Variants in TOX observed in about 807,000 individuals in gnomAD.
The protein encoded by TOX is thymocyte selection-associated high mobility group box protein TOX.
In TOX, 11 loss-of-function variants were observed where a neutral mutation model predicts 53.7. The observed-to-expected ratio is 0.20, with a 90% confidence interval of 0.13 to 0.34. The LOEUF (loss-of-function observed/expected upper bound fraction) is 0.34. Ranked by LOEUF, TOX falls within the 10% of genes least tolerant of loss-of-function variation. The probability of loss-of-function intolerance (pLI) is 1.00; values close to 1 mark genes in which losing one functional copy is unlikely to be tolerated. For synonymous variants in TOX, 225 were observed against 245.3 expected (o/e 0.92, Z 0.77); for missense variants, 570 against 664.6 (o/e 0.86, Z 1.56).
intron 2 of TOX, among the ~76,000 whole-genome samples, chr8:58,945,075 G>T (rs1220771634): frequency 6.6e-6 from 1 of 152,208 alleles, no homozygotes; most frequent in African/African-American, 2.4e-5. Flanking sequence ...AAGGTGCCAA[G>T]AATTACTGCA....
At chr8:59,091,041 T>C (rs186131567) in intron 1 of TOX, among the ~76,000 whole-genome samples, 3 of 152,240 alleles carry the variant, frequency 2.0e-5, no homozygotes, top group Admixed American at 2.0e-4. Context: ...CATATAAATA[T>C]ACCGAAGCCT....
intron 1 of TOX, among the ~76,000 whole-genome samples, chr8:58,960,554 A>T (rs1389905126): frequency 6.6e-6 from 1 of 152,240 alleles, no homozygotes; most frequent in African/African-American, 2.4e-5. Flanking sequence ...AGCATGTGTC[A>T]CTACAACCAT....
At chr8:58,843,316 C>T (rs1053900173) in intron 4 of TOX, among the ~76,000 whole-genome samples, 3 of 152,166 alleles carry the variant, frequency 2.0e-5, no homozygotes, top group Non-Finnish European at 4.4e-5. Flanking sequence ...ACTGCCTCTC[C>T]TTCAATAACT....
chr8:59,012,830 A>C (rs1813932698), intron 1 of TOX, among the ~76,000 whole-genome samples: 1 of 152,018 alleles, frequency 6.6e-6, no homozygotes, highest in Admixed American at 6.5e-5. Context: ...ACACAGACTA[A>C]AATGACAGCC....
intron 4 of TOX, among the ~76,000 whole-genome samples, chr8:58,842,339 TTCTC>T (rs910645595): frequency 1.3e-5 from 2 of 152,008 alleles, no homozygotes; most frequent in Non-Finnish European, 2.9e-5. Context: ...AGACAACTTT[TTCTC>T]TCTCTCTCTT....
At chr8:58,810,055 A>G (rs1463843836) in intron 7 of TOX, among the ~76,000 whole-genome samples, 1 of 151,766 alleles carries the variant, frequency 6.6e-6, no homozygotes, top group Non-Finnish European at 1.5e-5. Context: ...GCATGATCAT[A>G]GCTCACTGCA....
chr8:59,024,567 G>A (rs1028474345), intron 1 of TOX, among the ~76,000 whole-genome samples: 25 of 152,218 alleles, frequency 1.6e-4, no homozygotes, highest in South Asian at 8.3e-4. Flanking sequence ...TTCAGCTAGC[G>A]GCCTGACATG....
intron 1 of TOX, among the ~76,000 whole-genome samples, chr8:59,021,257 A>T (rs1814123782): frequency 6.6e-6 from 1 of 150,960 alleles, no homozygotes; most frequent in African/African-American, 2.4e-5. Flanking sequence ...GCATGAAGTC[A>T]AAGTGCTAAC....
At position 58,905,734 on chromosome 8, in the gene TOX, C is replaced by A. The variant is rs141626532; in HGVS notation, c.411+33568G>T. 4.2e-3 allele frequency among the ~76,000 whole-genome samples: 647 copies of A among 152,306 alleles called. 2 individuals are homozygous for A. Among genetic ancestry groups the A allele is most frequent in the Non-Finnish European group, 6.9e-3 (471 of 68,024 alleles). On this transcript the variant is annotated intron_variant, in intron 3 of 8. Transcript: ENST00000361421. ...AACGTGCGCCATGCTTGCATTATTC[C>A]TTTATACTGACGGAAGTGTAGAGTT... is the stretch of plus-strand genomic sequence containing the variant.
chr8:59,026,182 T>C (rs2129419715), intron 1 of TOX, among the ~76,000 whole-genome samples: 1 of 152,218 alleles, frequency 6.6e-6, no homozygotes, highest in Non-Finnish European at 1.5e-5. Context: ...GGAGTCAATA[T>C]TGAAACTGCA....
intron 1 of TOX, among the ~76,000 whole-genome samples, chr8:59,052,142 C>T (rs1209991241): frequency 6.6e-6 from 1 of 152,174 alleles, no homozygotes; most frequent in Non-Finnish European, 1.5e-5. Context: ...CTCTTACCTA[C>T]TTTTATACAG....
At chr8:58,961,532 CT>C (rs1306667873) in intron 1 of TOX, among the ~76,000 whole-genome samples, 386 of 142,808 alleles carry the variant, frequency 2.7e-3, no homozygotes, top group Middle Eastern at 3.7e-3. Flanking sequence ...CAGGTGAACT[CT>C]TTTTTTTTTT....
intron 3 of TOX, among the ~76,000 whole-genome samples, chr8:58,896,678 AT>A: frequency 5.0e-5 from 1 of 19,826 alleles, no homozygotes; most frequent in East Asian, 1.2e-3. Flanking sequence ...CATCTCAAAA[AT>A]AAAATAAAAT....
chr8:58,967,479 T>C (rs2129179290), intron 1 of TOX, among the ~76,000 whole-genome samples: 1 of 152,268 alleles, frequency 6.6e-6, no homozygotes, highest in South Asian at 2.1e-4. Context: ...CAGCTGACAC[T>C]GTTCCCATGT....
chr8:59,035,987 T>C (rs1814451179), intron 1 of TOX, among the ~76,000 whole-genome samples: 1 of 152,228 alleles, frequency 6.6e-6, no homozygotes, highest in African/African-American at 2.4e-5. Context: ...GTAACTCCCC[T>C]TGACCACACA....
chr8:58,975,655 T>A (rs917544172), intron 1 of TOX, among the ~76,000 whole-genome samples: 1 of 152,180 alleles, frequency 6.6e-6, no homozygotes, highest in Admixed American at 6.5e-5. Context: ...ATGCTAATAA[T>A]CACCTGAGCC....
intron 3 of TOX, among the ~76,000 whole-genome samples, chr8:58,896,734 T>C (rs1056634516): frequency 6.6e-6 from 1 of 151,872 alleles, no homozygotes; most frequent in African/African-American, 2.4e-5. Flanking sequence ...CTTTTCACCT[T>C]AAGGGAGGAA....
intron 1 of TOX, among the ~76,000 whole-genome samples, chr8:58,976,108 CTCTT>C (rs1188323720): frequency 3.9e-5 from 6 of 151,978 alleles, no homozygotes; most frequent in Admixed American, 2.6e-4. Context: ...CATCTACTGA[CTCTT>C]TCTTCCATGA....
chr8:59,100,099 G>GA (rs1039928694), intron 1 of TOX, among the ~76,000 whole-genome samples: 1 of 151,758 alleles, frequency 6.6e-6, no homozygotes, highest in Non-Finnish European at 1.5e-5. Flanking sequence ...ATTTGAAGTA[G>GA]AAAATCTTAA....
Sources: allele counts gnomAD v4.1 joint callset (sites outside exome capture counted in the v4.1 genomes callset), GRCh38; gene constraint gnomAD v4.1.1; transcripts MANE v1.5; gene names NCBI Gene and HGNC (gene_info 2026-07-23, HGNC 2026-07-21).